The following MTHFD1 variants were observed in gnomAD, a reference collection of about 807,000 sequenced individuals.
MTHFD1 encodes the protein C-1-tetrahydrofolate synthase, cytoplasmic.
MTHFD1 carries 44 observed loss-of-function variants against 110.3 expected under a neutral mutation model. That is an observed-to-expected ratio of 0.40 (90% CI 0.31 to 0.51). MTHFD1 has a LOEUF of 0.51. Among genes scored for constraint, MTHFD1 ranks in the 20% least tolerant of loss-of-function variants. The probability of loss-of-function intolerance (pLI) is 0.60; values close to 1 mark genes in which losing one functional copy is unlikely to be tolerated. For synonymous variants in MTHFD1, 402 were observed against 428.8 expected (o/e 0.94, Z 0.77); for missense variants, 909 against 1,173.1 (o/e 0.77, Z 3.29).
chr14:64,446,175 T>C (rs2078287873), intron 22 of MTHFD1, among the ~76,000 whole-genome samples: 1 of 152,224 alleles, frequency 6.6e-6, no homozygotes, highest in South Asian at 2.1e-4. Flanking sequence ...GAATGTAATA[T>C]ATGTGAGTTG....
intron 21 of MTHFD1, among the ~76,000 whole-genome samples, chr14:64,444,002 A>T (rs1258224029): frequency 6.6e-6 from 1 of 151,924 alleles, no homozygotes; most frequent in African/African-American, 2.4e-5. Flanking sequence ...AGAGCTTCTT[A>T]ATCACTATCC....
intron 2 of MTHFD1, among the ~76,000 whole-genome samples, chr14:64,407,316 T>C (rs2077942787): frequency 6.6e-6 from 1 of 151,796 alleles, no homozygotes; most frequent in Admixed American, 6.6e-5. Flanking sequence ...AATACAAAAA[T>C]TAGCTGGTTG....
intron 15 of MTHFD1, among the ~76,000 whole-genome samples, chr14:64,433,609 T>G (rs140970779): frequency 6.7e-6 from 1 of 149,210 alleles, no homozygotes; most frequent in East Asian, 2.0e-4. Flanking sequence ...GAGACCGGGT[T>G]TTGCCGTGTT....
rs926300312 is a variant in MTHFD1, at chr14:64,431,835, T to C, written c.1468T>C (p.Ser490Pro). ...ATCAGTAAATGGAGTGAGAAGGTTC[T>C]CTGACATCCAAATCCGAAGGTTAAA... The part of the protein sequence containing the change: ...VPSVNGVRRF[S>P]DIQIRRLKRL... The change falls in exon 15 of 28, where the codon TCT becomes CCT. Residue 490 changes from serine to proline, a missense_variant. Coordinates refer to ENST00000652337, the MANE Select transcript of MTHFD1 (RefSeq NM_005956.4). The C allele has an allele frequency of 1.2e-6, 2 of 1,614,200 alleles. No individual in the cohort carries two copies. The highest frequency in any genetic ancestry group is 2.2e-5 in the South Asian group (2 of 91,090).
chr14:64,432,398 C>T (rs2078167045), intron 15 of MTHFD1, among the ~76,000 whole-genome samples: 1 of 152,192 alleles, frequency 6.6e-6, no homozygotes, highest in Non-Finnish European at 1.5e-5. Context: ...TAAATGAAAA[C>T]TCTGTTCACA....
rs1467079948 is a variant in MTHFD1, at chr14:64,424,919, A to C, written c.843A>C (p.Ala281=). Residue 281 remains alanine (A), a synonymous_variant, in exon 9 of 28, where the codon GCA becomes GCC. Transcript: ENST00000652337. ...VPGGVGPMTV[A]MLMQSTVESA... ...GCGGCGTAGGGCCCATGACAGTTGC[A>C]ATGCTCATGCAGGTAATTGTGAATA... The C allele has an allele frequency of 1.9e-6, 3 of 1,614,234 alleles. No individual in the cohort carries two copies. Among genetic ancestry groups the C allele is most frequent in the Admixed American group, 1.7e-5 (1 of 60,020 alleles).
intron 8 of MTHFD1, among the ~76,000 whole-genome samples, chr14:64,424,026 C>T (rs2078099881): frequency 1.3e-5 from 2 of 152,210 alleles, no homozygotes; most frequent in African/African-American, 2.4e-5. Flanking sequence ...TTCTTGCCTC[C>T]ACCTTGGAGC....
chr14:64,441,758 A>C (rs181485144), intron 19 of MTHFD1: 27 of 548,424 alleles, frequency 4.9e-5, no homozygotes, highest in Non-Finnish European at 7.2e-5. Context: ...AGCCGAGATC[A>C]CGCCACTGCA....
In MTHFD1 at chr14:64,398,084, T is replaced by G. The variant is rs186201562; in HGVS notation, c.42-2709T>G. Among the ~76,000 whole-genome samples, 31 of 152,230 alleles carry G rather than the reference T, an allele frequency of 2.0e-4. 1 individual carries two copies. The highest frequency in any genetic ancestry group is 7.0e-4 in the African/African-American group (29 of 41,534). ...GGGGAGCAGCTAGGGCTGGAACTGC[T>G]GGGGAGTGCAAACTGCAGTATTCCC... On this transcript the variant is annotated intron_variant, in intron 1 of 27. Coordinates refer to ENST00000652337, the MANE Select transcript of MTHFD1 (RefSeq NM_005956.4).
In MTHFD1 at chr14:64,442,121, C is replaced by T; in HGVS notation, c.1952C>T (p.Ala651Val). The change falls in exon 20 of 28, where the codon GCA becomes GTA. Residue 651 changes from alanine to valine, a missense_variant. By Grantham distance (64) the Ala-to-Val change is moderately conservative. Coordinates refer to ENST00000652337, the MANE Select transcript of MTHFD1 (RefSeq NM_005956.4). ...GCACATGGCAATTCCTCCATCATTG[C>T]AGACCGGATCGCACTCAAGCTTGTT... The part of the protein sequence containing the change: ...NIAHGNSSII[A>V]DRIALKLVGP... 1 of 1,614,172 alleles carries T rather than the reference C, an allele frequency of 6.2e-7. No individual in the cohort carries two copies. The highest frequency in any genetic ancestry group is 8.5e-7 in the Non-Finnish European group (1 of 1,180,032).
intron 1 of MTHFD1, among the ~76,000 whole-genome samples, chr14:64,398,107 C>G (rs1208592773): frequency 6.6e-6 from 1 of 152,050 alleles, no homozygotes; most frequent in Non-Finnish European, 1.5e-5. Context: ...CTGCAGTATT[C>G]CCTGTTCCCT....
chr14:64,420,513 C>T (rs771072846), intron 8 of MTHFD1, among the ~76,000 whole-genome samples: 2 of 152,152 alleles, frequency 1.3e-5, no homozygotes, highest in Non-Finnish European at 2.9e-5. Flanking sequence ...GTTTCCCTCC[C>T]AAGCATTCCC....
intron 24 of MTHFD1, 37 bp from the exon 25 acceptor site, chr14:64,453,717 C>A: frequency 8.1e-7 from 1 of 1,234,592 alleles, no homozygotes. Flanking sequence ...TCACATGTGT[C>A]CAGTCATGGT....
chr14:64,415,394 A>G lies in MTHFD1; in HGVS notation c.277A>G (p.Thr93Ala), dbSNP rs2078017520. ...KYITSLNEDS[T>A]VHGFLVQLPL... ...CATTACATCTTTGAATGAAGACTCT[A>G]CTGTACATGGGTTCTTAGTGCAGCT... Residue 93 changes from threonine (T) to alanine (A), a missense_variant, in exon 5 of 28, where the codon ACT becomes GCT. This residue lies in a region of MTHFD1 where 424 missense variants were observed against 510.4 expected (regional missense o/e 0.83). Transcript: ENST00000652337. 6.2e-7 allele frequency: 1 copy of G among 1,611,088 alleles called. No homozygotes were observed. The highest frequency in any genetic ancestry group is 8.5e-7 in the Non-Finnish European group (1 of 1,177,188).
In MTHFD1 at chr14:64,417,840, G is replaced by T; in HGVS notation, c.479-48G>T. On this transcript the variant is annotated intron_variant, in intron 6 of 27. Coordinates refer to ENST00000652337, the MANE Select transcript of MTHFD1 (RefSeq NM_005956.4). The surrounding 1 kb of genome is among the most constrained non-coding windows in gnomAD (Gnocchi z 4.4). ...ATTTCTCCACGTGGCATGCGAAGGA[G>T]GGCAGCTTCTATCCTCCAACTCTGA... The T allele has an allele frequency of 6.2e-7, 1 of 1,610,754 alleles. No individual in the cohort carries two copies. Among genetic ancestry groups the T allele is most frequent in the Non-Finnish European group, 8.5e-7 (1 of 1,179,006 alleles).
At chr14:64,395,134 A>C (rs1441061334) in intron 1 of MTHFD1, among the ~76,000 whole-genome samples, 1 of 152,258 alleles carries the variant, frequency 6.6e-6, no homozygotes, top group Non-Finnish European at 1.5e-5. Flanking sequence ...CCTCATACTC[A>C]GAGCCAACCT....
intron 3 of MTHFD1, among the ~76,000 whole-genome samples, chr14:64,412,165 A>C (rs993164138): frequency 1.3e-5 from 2 of 152,168 alleles, no homozygotes; most frequent in East Asian, 3.9e-4. Context: ...TTTAGGAACC[A>C]AAAAGGGGGA....
chr14:64,411,850 A>G (rs534994751), intron 3 of MTHFD1, among the ~76,000 whole-genome samples: 27 of 152,120 alleles, frequency 1.8e-4, no homozygotes, highest in South Asian at 4.1e-4. Context: ...GTGGTGAGCC[A>G]AGATAGTGCC....
intron 23 of MTHFD1, chr14:64,448,667 T>C (rs1341616456): frequency 9.9e-6 from 3 of 303,470 alleles, no homozygotes; most frequent in African/African-American, 6.5e-5. Flanking sequence ...TGGTGGGATG[T>C]TGTCTTGACA....
Sources: gnomAD v4.1 joint callset for allele counts (sites outside exome capture counted in the v4.1 genomes callset) on GRCh38, gnomAD v4.1.1 for gene constraint, gnomAD v4.1.1 regional missense constraint, Gnocchi (gnomAD v3.1) non-coding constraint, MANE v1.5 for transcripts, NCBI Gene and HGNC (gene_info 2026-07-23, HGNC 2026-07-21) for gene names.